PRKCA: variants seen among roughly 807,000 people sequenced by gnomAD.
The protein encoded by PRKCA is protein kinase C alpha type.
Under a neutral mutation model 87.0 loss-of-function variants are expected in PRKCA, and 27 were observed. The ratio of observed to expected loss-of-function variants is 0.31; its 90% confidence interval spans 0.23 to 0.43. PRKCA has a LOEUF of 0.43. Ranked by LOEUF, PRKCA falls within the 20% of genes least tolerant of loss-of-function variation. The pLI, the probability that PRKCA is intolerant of heterozygous loss-of-function variation, is 1.00. For synonymous variants in PRKCA, 329 were observed against 311.1 expected (o/e 1.06, Z -0.61); for missense variants, 518 against 852.3 (o/e 0.61, Z 4.88).
intron 2 of PRKCA, among the ~76,000 whole-genome samples, chr17:66,486,195 A>T (rs1915981928): frequency 6.6e-6 from 1 of 152,082 alleles, no homozygotes. Context: ...TATCTTTAAG[A>T]GTTTTGTTGT....
At chr17:66,733,870 T>C (rs1228943990) in intron 9 of PRKCA, among the ~76,000 whole-genome samples, 1 of 152,226 alleles carries the variant, frequency 6.6e-6, no homozygotes, top group East Asian at 1.9e-4. Flanking sequence ...AAAAACAGTT[T>C]GTGTGCAGGC....
At chr17:66,327,064 G>A (rs1906021174) in intron 2 of PRKCA, among the ~76,000 whole-genome samples, 1 of 151,804 alleles carries the variant, frequency 6.6e-6, no homozygotes, top group Non-Finnish European at 1.5e-5. Flanking sequence ...GTGATACCCT[G>A]TCTCTTAATA....
chr17:66,424,312 G>A (rs186709001), intron 2 of PRKCA, among the ~76,000 whole-genome samples: 272 of 152,172 alleles, frequency 1.8e-3, no homozygotes, highest in African/African-American at 6.2e-3. Context: ...GGTGGCTCAC[G>A]CCTGTAATCC....
intron 2 of PRKCA, among the ~76,000 whole-genome samples, chr17:66,448,247 C>A (rs1914133825): frequency 6.6e-6 from 1 of 152,096 alleles, no homozygotes; most frequent in South Asian, 2.1e-4. Flanking sequence ...AAACGTGGAT[C>A]ATTAGTCATT....
chr17:66,389,343 C>T (rs1014884338), intron 2 of PRKCA, among the ~76,000 whole-genome samples: 2 of 152,146 alleles, frequency 1.3e-5, no homozygotes, highest in African/African-American at 2.4e-5. Flanking sequence ...TCTCCTGCAG[C>T]GTAGTGGATG....
intron 2 of PRKCA, chr17:66,415,641 C>G (rs1208860789): frequency 2.0e-5 from 3 of 152,272 alleles, no homozygotes; most frequent in Admixed American, 1.3e-4. Flanking sequence ...AGAAAGCGTT[C>G]AAAGAAGTGT....
At chr17:66,731,491 C>T (rs957675913) in intron 8 of PRKCA, among the ~76,000 whole-genome samples, 2 of 152,196 alleles carry the variant, frequency 1.3e-5, no homozygotes, top group African/African-American at 2.4e-5. Flanking sequence ...AGCTCCTTCC[C>T]GTCAGGCAGA....
intron 3 of PRKCA, among the ~76,000 whole-genome samples, chr17:66,637,146 G>A (rs1268686614): frequency 6.6e-6 from 1 of 152,134 alleles, no homozygotes; most frequent in East Asian, 1.9e-4. Flanking sequence ...GCGTGAGTAA[G>A]CCTTAGGTTT....
intron 3 of PRKCA, among the ~76,000 whole-genome samples, chr17:66,508,715 T>C (rs1917083725): frequency 6.6e-6 from 1 of 152,206 alleles, no homozygotes; most frequent in African/African-American, 2.4e-5. Context: ...TTCAACTCTC[T>C]TTCCTCTCCA....
chr17:66,369,690 C>T (rs1246412228), intron 2 of PRKCA, among the ~76,000 whole-genome samples: 1 of 152,176 alleles, frequency 6.6e-6, no homozygotes, highest in Non-Finnish European at 1.5e-5. Flanking sequence ...TGGCTCTGTC[C>T]ACTCTTTTCT....
At chr17:66,537,931 G>A (rs765752492) in intron 3 of PRKCA, among the ~76,000 whole-genome samples, 3 of 151,970 alleles carry the variant, frequency 2.0e-5, no homozygotes, top group Admixed American at 6.6e-5. Flanking sequence ...TCAGCTTCCC[G>A]AGTGGCTGGG....
At chr17:66,379,844 G>A (rs1015144478) in intron 2 of PRKCA, among the ~76,000 whole-genome samples, 2 of 152,040 alleles carry the variant, frequency 1.3e-5, no homozygotes, top group African/African-American at 4.8e-5. Flanking sequence ...TAAAGTGTTA[G>A]CAACTACACT....
Position 66,302,781 on chromosome 17 carries a change from G to T in PRKCA, c.-71G>T, listed in dbSNP as rs1904573893. 7.5e-7 allele frequency: 1 copy of T among 1,333,758 alleles called. No homozygotes were observed. 82.6% of individuals were successfully genotyped at this position (1,333,758 alleles called of 1,614,324 possible). ...CGCCCCGAGCCCGCACCTCTCCCCC[G>T]CCGCCCCCGCCCACCCGGCCCTCCG... On this transcript the variant is annotated 5_prime_UTR_variant, in exon 1 of 17. Coordinates refer to ENST00000413366, the MANE Select transcript of PRKCA (RefSeq NM_002737.3).
intron 14 of PRKCA, among the ~76,000 whole-genome samples, chr17:66,778,879 G>T (rs1234059266): frequency 6.6e-6 from 1 of 151,594 alleles, no homozygotes; most frequent in African/African-American, 2.4e-5. Flanking sequence ...CTCCTTAAAG[G>T]CACTCCACAT....
intron 5 of PRKCA, among the ~76,000 whole-genome samples, chr17:66,648,022 A>G (rs985216349): frequency 1.3e-5 from 2 of 152,308 alleles, no homozygotes; most frequent in East Asian, 1.9e-4. Flanking sequence ...ATGTATCACA[A>G]TTCTGGAAGC....
rs1907904231 is a variant in PRKCA at position 66,354,014 on chromosome 17, G to GT, written c.205+47890dup. Among the ~76,000 whole-genome samples the GT allele has an allele frequency of 2.0e-5, 3 of 152,264 alleles. No individual in the cohort carries two copies. The South Asian group carries it at 6.2e-4, about 32-fold the overall frequency. On this transcript the variant is annotated intron_variant, in intron 2 of 16. Coordinates refer to ENST00000413366, the MANE Select transcript of PRKCA (RefSeq NM_002737.3). ...GGATCACCATCGCACACGTCATGTA[G>GT]TTTATCTTGAAATTTTATGATTTGG...
At chr17:66,387,742 G>T (rs909585247) in intron 2 of PRKCA, among the ~76,000 whole-genome samples, 1 of 152,178 alleles carries the variant, frequency 6.6e-6, no homozygotes. Context: ...GGGGTGCCCC[G>T]CAGCAGTTAG....
intron 13 of PRKCA, among the ~76,000 whole-genome samples, chr17:66,756,772 C>T (rs112967355): frequency 0.016 from 2,500 of 152,178 alleles, 70 homozygotes; most frequent in African/African-American, 0.058. Context: ...AGCGAGTCTC[C>T]GGCCTCAGCT....
chr17:66,534,575 G>A (rs1183821070), intron 3 of PRKCA, among the ~76,000 whole-genome samples: 3 of 152,168 alleles, frequency 2.0e-5, no homozygotes, highest in African/African-American at 7.2e-5. Context: ...GCTGAGGCAG[G>A]AGAATGGCGT....
Sources: gnomAD v4.1 joint callset for allele counts (sites outside exome capture counted in the v4.1 genomes callset) on GRCh38, gnomAD v4.1.1 for gene constraint, MANE v1.5 for transcripts, NCBI Gene and HGNC (gene_info 2026-07-23, HGNC 2026-07-21) for gene names.